The following FOXP2 variants were observed in gnomAD, a reference collection of about 807,000 sequenced individuals.
FOXP2 encodes the protein forkhead box P2.
Under a neutral mutation model 115.8 loss-of-function variants are expected in FOXP2, and 12 were observed. The observed-to-expected ratio is 0.10, with a 90% CI of 0.07 to 0.17. The LOEUF (loss-of-function observed/expected upper bound fraction) is 0.17. FOXP2 is among the 10% of genes least tolerant of loss of function. The pLI, the probability that FOXP2 is intolerant of heterozygous loss-of-function variation, is 1.00. For synonymous variants in FOXP2, 328 were observed against 297.7 expected (o/e 1.10, Z -1.05); for missense variants, 629 against 843.5 (o/e 0.75, Z 3.15).
chr7:114,653,849 G>A, intron 9 of FOXP2, 77 bp from the exon 10 acceptor site: 1 of 1,403,262 alleles, frequency 7.1e-7, no homozygotes. Flanking sequence ...CAAGCTCAAT[G>A]ATAAGATGTA....
intron 2 of FOXP2, among the ~76,000 whole-genome samples, chr7:114,356,284 G>A (rs1584662143): frequency 6.6e-6 from 1 of 152,094 alleles, no homozygotes; most frequent in East Asian, 1.9e-4. Context: ...TGTTAATTTT[G>A]TGTGCTACAC....
At chr7:114,287,131 C>T (rs534420161) in intron 1 of FOXP2, among the ~76,000 whole-genome samples, 15 of 151,868 alleles carry the variant, frequency 9.9e-5, no homozygotes, top group Non-Finnish European at 1.8e-4. Flanking sequence ...AGTCAAAACC[C>T]ATTTACTATC....
intron 1 of FOXP2, among the ~76,000 whole-genome samples, chr7:114,185,634 A>T (rs1793574694): frequency 1.3e-5 from 2 of 152,152 alleles, no homozygotes. Flanking sequence ...CCAAATTCCC[A>T]CTTTTTAAAA....
intron 2 of FOXP2, among the ~76,000 whole-genome samples, chr7:114,334,565 A>AGTTTGTG (rs1045977956): frequency 2.6e-5 from 4 of 151,700 alleles, no homozygotes; most frequent in African/African-American, 9.7e-5. Flanking sequence ...TCTAGTATTT[A>AGTTTGTG]GTTTGTGGTA....
intron 7 of FOXP2, among the ~76,000 whole-genome samples, 181 bp downstream of exon 7, chr7:114,642,804 A>T (rs1270971955): frequency 0.12 from 1,529 of 13,192 alleles, 249 homozygotes; most frequent in East Asian, 0.47. Context: ...ATATATATAT[A>T]TATATATATT....
At chr7:114,136,612 A>G (rs930627292) in intron 1 of FOXP2, among the ~76,000 whole-genome samples, 7 of 151,882 alleles carry the variant, frequency 4.6e-5, no homozygotes, top group African/African-American at 1.4e-4. Flanking sequence ...TTCTTTTGGA[A>G]GAAAATGGGC....
At chr7:114,231,116 A>G (rs1794864521) in intron 1 of FOXP2, among the ~76,000 whole-genome samples, 2 of 152,094 alleles carry the variant, frequency 1.3e-5, no homozygotes, top group Admixed American at 6.6e-5. Flanking sequence ...TGAAAATGAA[A>G]TTATGAAAAC....
chr7:114,588,094 G>C (rs1176364117), intron 3 of FOXP2, among the ~76,000 whole-genome samples: 1 of 151,696 alleles, frequency 6.6e-6, no homozygotes, highest in Non-Finnish European at 1.5e-5. Flanking sequence ...CGGATCACGA[G>C]GTCAGGAGAT....
intron 1 of FOXP2, among the ~76,000 whole-genome samples, chr7:114,240,229 G>C (rs1472371361): frequency 1.3e-5 from 2 of 152,042 alleles, no homozygotes; most frequent in African/African-American, 4.8e-5. Context: ...TTGGTTGGGG[G>C]GAGGAAAACC....
At chr7:114,615,023 A>T (rs1490265791) in intron 3 of FOXP2, among the ~76,000 whole-genome samples, 1 of 152,130 alleles carries the variant, frequency 6.6e-6, no homozygotes, top group East Asian at 1.9e-4. Context: ...GTTCAAGACC[A>T]TCCTGGCCAA....
chr7:114,144,711 G>A (rs1792318855), intron 1 of FOXP2, among the ~76,000 whole-genome samples: 1 of 152,058 alleles, frequency 6.6e-6, no homozygotes, highest in South Asian at 2.1e-4. Context: ...GTTCAGAAGT[G>A]TTCAGAGTTC....
At chr7:114,686,477 C>T (rs1032594041) in intron 16 of FOXP2, among the ~76,000 whole-genome samples, 1 of 152,122 alleles carries the variant, frequency 6.6e-6, no homozygotes, top group Non-Finnish European at 1.5e-5. Context: ...CTGGCCAATA[C>T]TTAAGTCTTT....
intron 1 of FOXP2, among the ~76,000 whole-genome samples, chr7:114,174,342 G>A (rs1793230759): frequency 6.6e-6 from 1 of 151,686 alleles, no homozygotes; most frequent in African/African-American, 2.4e-5. Context: ...CAGGAAATAG[G>A]GATTTTATTC....
intron 2 of FOXP2, among the ~76,000 whole-genome samples, chr7:114,482,627 C>A (rs747388171): frequency 5.3e-5 from 8 of 151,496 alleles, no homozygotes; most frequent in Non-Finnish European, 1.2e-4. Context: ...GGTTCTCCAT[C>A]ACACCTACTC....
chr7:114,414,584 G>C (rs1021141670), upstream of FOXP2: 5 of 157,100 alleles, frequency 3.2e-5, no homozygotes, highest in Non-Finnish European at 7.1e-5. Flanking sequence ...GCTGAAGCTT[G>C]ATTAACATCT....
At chr7:114,676,323 A>C (rs1252037245) in intron 16 of FOXP2, among the ~76,000 whole-genome samples, 1 of 152,162 alleles carries the variant, frequency 6.6e-6, no homozygotes, top group Non-Finnish European at 1.5e-5. Flanking sequence ...GACACTTTAA[A>C]ATAAAGGATT....
chr7:114,239,006 G>A (rs896008189), intron 1 of FOXP2, among the ~76,000 whole-genome samples: 2 of 150,020 alleles, frequency 1.3e-5, no homozygotes, highest in Non-Finnish European at 3.0e-5. Flanking sequence ...TTTATTAAAA[G>A]CATTCTTTAG....
At chr7:114,409,382 C>T (rs1793111937), upstream of FOXP2, among the ~76,000 whole-genome samples, 1 of 152,094 alleles carries the variant, frequency 6.6e-6, no homozygotes, top group African/African-American at 2.4e-5. Flanking sequence ...ATAACAAGAA[C>T]TTAACTACAG....
At chr7:114,297,054 A>ATTTTTTTTTTTTT in intron 2 of FOXP2, 1 of 335,916 alleles carries the variant, frequency 3.0e-6, no homozygotes. Flanking sequence ...CACTATATGC[A>ATTTTTTTTTTTTT]TTTTTTTTTT....
Sources: gnomAD v4.1 joint callset for allele counts (sites outside exome capture counted in the v4.1 genomes callset) on GRCh38, gnomAD v4.1.1 for gene constraint, MANE v1.5 for transcripts, NCBI Gene and HGNC (gene_info 2026-07-23, HGNC 2026-07-21) for gene names.